SLC39A13: variants seen among roughly 807,000 people sequenced by gnomAD.
SLC39A13 encodes the protein zinc transporter ZIP13.
A neutral mutation model predicts 38.7 loss-of-function variants in SLC39A13; 18 were observed. That is an observed-to-expected ratio of 0.47 (90% CI 0.32 to 0.69). The LOEUF (loss-of-function observed/expected upper bound fraction) is 0.69. SLC39A13 is among the 30% of genes least tolerant of loss of function. The pLI is 0.03. For missense variants in SLC39A13, 395 were observed against 490.7 expected (o/e 0.80, Z 1.84); for synonymous variants, 212 against 219.1 (o/e 0.97, Z 0.29).
rs2096021411 is a variant in SLC39A13, at chr11:47,415,298, C to T, written c.1051C>T (p.Gln351Ter). 6.2e-7 allele frequency: 1 copy of T among 1,613,926 alleles called. No homozygotes were observed. The highest frequency in any genetic ancestry group is 1.3e-5 in the African/African-American group (1 of 74,924). Residue 351 changes from glutamine to a stop codon, truncating the protein, a stop_gained, in exon 10 of 10, where the codon CAG (glutamine) becomes TAG (stop). Transcript: ENST00000362021. LOFTEE classifies it high-confidence loss of function. ...LEEEDPWRSL[Q>*]QLLLLCAGIV... Reference sequence around the variant, plus strand: ...GTTCCCTCCCCACAGGCGCTCCCTGCAGCAGCTGCTTCTGCTCTGTGCGGG... The same window carrying T: ...GTTCCCTCCCCACAGGCGCTCCCTGTAGCAGCTGCTTCTGCTCTGTGCGGG...
intron 3 of SLC39A13, 59 bp from the exon 4 acceptor site, chr11:47,412,287 C>T (rs1445178660): frequency 6.4e-7 from 1 of 1,570,706 alleles, no homozygotes; most frequent in East Asian, 2.4e-5. Context: ...CAAATGGCCC[C>T]CTCCTATGGC....
At chr11:47,415,230 T>A in intron 9 of SLC39A13, 58 bp from the exon 10 acceptor site, 3 of 1,613,466 alleles carry the variant, frequency 1.9e-6, no homozygotes, top group Non-Finnish European at 2.5e-6. Flanking sequence ...GAAGGGCTCC[T>A]GGCCGCTGCC....
intron 1 of SLC39A13, 68 bp from the exon 2 acceptor site, chr11:47,410,019 G>A (rs1014488781): frequency 1.8e-5 from 28 of 1,588,536 alleles, no homozygotes; most frequent in South Asian, 4.5e-5. Context: ...GGAGGGAGGC[G>A]CCACGTTTCC....
chr11:47,411,505 T>C (rs1230139289), intron 2 of SLC39A13, among the ~76,000 whole-genome samples: 1 of 152,192 alleles, frequency 6.6e-6, no homozygotes, highest in Non-Finnish European at 1.5e-5. Flanking sequence ...CTCAGGAGGC[T>C]GAGGCAGGAG....
intron 9 of SLC39A13, 26 bp downstream of exon 9, chr11:47,415,185 A>G: frequency 6.2e-7 from 1 of 1,611,568 alleles, no homozygotes; most frequent in Non-Finnish European, 8.5e-7. Context: ...GAGGAAGAGG[A>G]CTGCCACTCA....
intron 2 of SLC39A13, among the ~76,000 whole-genome samples, chr11:47,411,350 A>G (rs1443090125): frequency 6.6e-6 from 1 of 152,176 alleles, no homozygotes; most frequent in African/African-American, 2.4e-5. Flanking sequence ...CACAGCTGTA[A>G]TCTCAGCAGT....
Position 47,410,310 on chromosome 11 carries a change from C to T in SLC39A13, c.216C>T (p.Leu72=), listed in dbSNP as rs34986695. ...GERLDTWICS[L]LGSLMVGLSG... ...GGCTGGACACCTGGATCTGCTCCCT[C>T]CTGGGTTCCCTCATGGTGGGGCTCA... Residue 72 remains leucine, a synonymous_variant, in exon 2 of 10, where the codon CTC becomes CTT. Transcript: ENST00000362021. 3.6e-4 allele frequency: 577 copies of T among 1,614,140 alleles called. 1 individual carries two copies. In the African/African-American group the frequency reaches 6.3e-3, roughly 18 times the overall value.
At position 47,415,544 on chromosome 11, in the gene SLC39A13, G is replaced by GC; in HGVS notation, c.*182dup. The GC allele has an allele frequency of 1.4e-6, 1 of 717,004 alleles. No individual in the cohort carries two copies. The highest frequency in any genetic ancestry group is 2.7e-5 in the East Asian group (1 of 37,128). The allele number at this position is 717,004 out of a possible 1,614,324, so 44.4% of individuals were successfully genotyped here. On this transcript the variant is annotated 3_prime_UTR_variant, in exon 10 of 10. Transcript: ENST00000362021. ...TGCACATGTGGCCAGAGGTGTGTGC[G>GC]CGAGACCGACACTGTGATCCCTGTG...
At position 47,414,491 on chromosome 11, in the gene SLC39A13, G is replaced by A. The variant is rs1337681057; in HGVS notation, c.786+16G>A. 6.2e-7 allele frequency: 1 copy of A among 1,611,200 alleles called. No homozygotes were observed. Among genetic ancestry groups the A allele is most frequent in the African/African-American group, 1.3e-5 (1 of 75,020 alleles). ...CCCCCATGAGGTGAGCGCTTGTAGG[G>A]CAGCCCCCAGGGGCCCAGGCCCCCA... is the stretch of plus-strand genomic sequence containing the variant. On this transcript the variant is annotated intron_variant, in intron 7 of 9. Coordinates refer to ENST00000362021, the MANE Select transcript of SLC39A13 (RefSeq NM_001128225.3).
Position 47,415,527 on chromosome 11 carries a change from T to C in SLC39A13, c.*164T>C. The C allele has an allele frequency of 1.3e-6, 1 of 786,554 alleles. No individual in the cohort carries two copies. The highest frequency in any genetic ancestry group is 2.2e-6 in the Non-Finnish European group (1 of 463,578). 48.7% of individuals were successfully genotyped at this position (786,554 alleles called of 1,614,324 possible). Reference sequence around the variant, plus strand: ...TGTGGATGTATGTGGTGTGCACATGTGGCCAGAGGTGTGTGCGCGAGACCG... The same window carrying C: ...TGTGGATGTATGTGGTGTGCACATGCGGCCAGAGGTGTGTGCGCGAGACCG... On this transcript the variant is annotated 3_prime_UTR_variant, in exon 10 of 10. Transcript: ENST00000362021.
intron 1 of SLC39A13, 76 bp from the exon 2 acceptor site, chr11:47,410,011 A>C (rs2095989430): frequency 7.7e-6 from 12 of 1,565,030 alleles, no homozygotes; most frequent in Non-Finnish European, 9.6e-6. Context: ...TGCGGGGAGG[A>C]GGGAGGCGCC....
chr11:47,409,980 AG>A, intron 1 of SLC39A13, 106 bp from the exon 2 acceptor site: 1 of 1,336,290 alleles, frequency 7.5e-7, no homozygotes, highest in Non-Finnish European at 1.1e-6. Context: ...GGACAGCAGG[AG>A]GGTGGATGCC....
In SLC39A13 at chr11:47,411,441, C is replaced by T. The variant is rs145916664; in HGVS notation, c.302-485C>T. Among the ~76,000 whole-genome samples the T allele has an allele frequency of 2.1e-3, 321 of 152,214 alleles. 1 individual carries two copies. The highest frequency in any genetic ancestry group is 7.1e-3 in the African/African-American group (294 of 41,524). The stretch of plus-strand genomic sequence containing the variant: ...CCAACATGATGAAACCCCGTCTCTA[C>T]CAAAAATACAAAAATTAGCCGGATG... On this transcript the variant is annotated intron_variant, in intron 2 of 9. Coordinates refer to ENST00000362021, the MANE Select transcript of SLC39A13 (RefSeq NM_001128225.3).
Position 47,412,326 on chromosome 11 carries a change from GGCATT to G in SLC39A13, c.416-17_416-13del, listed in dbSNP as rs759988859. 6.2e-7 allele frequency: 1 copy of G among 1,608,574 alleles called. No homozygotes were observed. Among genetic ancestry groups the G allele is most frequent in the Non-Finnish European group, 8.5e-7 (1 of 1,177,812 alleles). ...GGCTTGGCTTGGCCTGGCCTGGCCT[GGCATT>G]GCCGCCCCCTGCAGGTGGTGAGGGG... is the stretch of plus-strand genomic sequence containing the variant. On this transcript the variant is annotated splice_polypyrimidine_tract_variant and intron_variant, in intron 3 of 9. Transcript: ENST00000362021.
At chr11:47,414,143 C>T in intron 6 of SLC39A13, 1 of 607,054 alleles carries the variant, frequency 1.6e-6, no homozygotes, top group East Asian at 2.7e-5. Flanking sequence ...CTGACCTCCT[C>T]ATCTAAATTT....
At chr11:47,407,694 T>A (rs7107726), upstream of SLC39A13, among the ~76,000 whole-genome samples, 42,931 of 152,150 alleles carry the variant, frequency 0.28, 6,544 homozygotes, top group Admixed American at 0.37. Context: ...CAGGTTTGAA[T>A]CCTGGCTCTG....
chr11:47,409,957 G>A (rs2095989151), intron 1 of SLC39A13, 130 bp from the exon 2 acceptor site: 1 of 1,078,798 alleles, frequency 9.3e-7, no homozygotes, highest in Non-Finnish European at 1.4e-6. Context: ...TGGATGCTCA[G>A]ACGCTCTGGC....
Position 47,412,464 on chromosome 11 carries a change from C to G in SLC39A13, c.534C>G (p.Ser178Arg), listed in dbSNP as rs773523645. The G allele has an allele frequency of 8.1e-6, 13 of 1,614,136 alleles. No individual in the cohort carries two copies. The South Asian group carries it at 1.4e-4, about 18-fold the overall frequency. Reference sequence around the variant, plus strand: ...TGGACAGCAAGGAGGAGGGGACCAGCCAGGTGGGCCCCACACTCAAGGGCC... The same window carrying G: ...TGGACAGCAAGGAGGAGGGGACCAGGCAGGTGGGCCCCACACTCAAGGGCC... ...MFLDSKEEGT[S>R]QAPNKDPTAA... Residue 178 changes from serine to arginine, a missense_variant, in exon 4 of 10, where the codon AGC becomes AGG. Physicochemically the swap from Ser to Arg is moderately radical, Grantham distance 110. Coordinates refer to ENST00000362021, the MANE Select transcript of SLC39A13 (RefSeq NM_001128225.3).
intron 4 of SLC39A13, among the ~76,000 whole-genome samples, chr11:47,412,951 G>A (rs1487215292): frequency 2.0e-5 from 3 of 151,290 alleles, no homozygotes; most frequent in Non-Finnish European, 2.9e-5. Flanking sequence ...TAGTGGAGAC[G>A]GGGTTTCACC....
Sources: gnomAD v4.1 joint callset for allele counts (sites outside exome capture counted in the v4.1 genomes callset) on GRCh38, gnomAD v4.1.1 for gene constraint, MANE v1.5 for transcripts, NCBI Gene and HGNC (gene_info 2026-07-23, HGNC 2026-07-21) for gene names.